EEIG1: variants seen among roughly 807,000 people sequenced by gnomAD.
EEIG1 encodes estrogen-induced osteoclastogenesis regulator 1.
At chr9:127,979,305 G>A in the EEIG1 span, among the ~76,000 whole-genome samples, 3 of 152,216 alleles carry the variant, frequency 2.0e-5, no homozygotes, top group Non-Finnish European at 2.9e-5. Context: ...ACCCCAGCTG[G>A]GCCCAATTGG....
chr9:127,967,791 TGCTACAGGACCTG>T, the EEIG1 span, among the ~76,000 whole-genome samples: 1,259 of 152,148 alleles, frequency 8.3e-3, 15 homozygotes, highest in African/African-American at 0.029. Context: ...CTCACAGAGT[TGCTACAGGACCTG>T]GCACAGTGGA....
the EEIG1 span, among the ~76,000 whole-genome samples, chr9:127,975,400 C>T: frequency 6.6e-6 from 1 of 152,212 alleles, no homozygotes; most frequent in Non-Finnish European, 1.5e-5. Context: ...GAAGAGGGGC[C>T]TCCAAGTCAC....
At chr9:127,979,488 A>C in the EEIG1 span, among the ~76,000 whole-genome samples, 55 of 152,316 alleles carry the variant, frequency 3.6e-4, no homozygotes, top group Middle Eastern at 6.8e-3. Flanking sequence ...CAGCCAGAGG[A>C]GGATAGTCAC....
At chr9:127,946,972 G>A in the EEIG1 span, among the ~76,000 whole-genome samples, 1 of 152,014 alleles carries the variant, frequency 6.6e-6, no homozygotes, top group African/African-American at 2.4e-5. Flanking sequence ...TAGGGTTGAG[G>A]GGGCCCAGCA....
the EEIG1 span, chr9:127,944,762 C>G: frequency 6.2e-7 from 1 of 1,611,762 alleles, no homozygotes; most frequent in Admixed American, 1.7e-5. Context: ...CCCCCACCAG[C>G]CCAGCACGGC....
At chr9:127,971,551 G>C in the EEIG1 span, among the ~76,000 whole-genome samples, 26 of 147,888 alleles carry the variant, frequency 1.8e-4, no homozygotes, top group Non-Finnish European at 3.7e-4. Context: ...GCGGGGCGGG[G>C]GGGCGGGTCC....
chr9:127,945,478 C>G, the EEIG1 span: 3 of 1,566,406 alleles, frequency 1.9e-6, no homozygotes, highest in Non-Finnish European at 2.6e-6. This position sits in a 1 kb window ranked among gnomAD's most constrained non-coding sequence, Gnocchi z 6.5. Context: ...GCCAAGGCCC[C>G]CAGAGGCGCT....
the EEIG1 span, among the ~76,000 whole-genome samples, chr9:127,963,900 G>C: frequency 3.5e-3 from 531 of 152,322 alleles, 4 homozygotes; most frequent in Middle Eastern, 0.017. Flanking sequence ...GAAGGAGAAG[G>C]AGCTACAAGG....
At chr9:127,972,079 T>G in the EEIG1 span, among the ~76,000 whole-genome samples, 1 of 152,134 alleles carries the variant, frequency 6.6e-6, no homozygotes, top group Non-Finnish European at 1.5e-5. This position sits in a 1 kb window ranked among gnomAD's most constrained non-coding sequence, Gnocchi z 4.3. Flanking sequence ...GAGGCTGTCT[T>G]CTGCCTGCCA....
the EEIG1 span, among the ~76,000 whole-genome samples, chr9:127,958,759 A>C: frequency 6.6e-6 from 1 of 152,188 alleles, no homozygotes; most frequent in Admixed American, 6.6e-5. Flanking sequence ...ACAAAATAAG[A>C]AAAAATACTT....
chr9:127,974,020 A>G, the EEIG1 span, among the ~76,000 whole-genome samples: 3 of 152,260 alleles, frequency 2.0e-5, no homozygotes, highest in African/African-American at 7.2e-5. Context: ...GCAATCACAA[A>G]TGACTGGCGC....
chr9:127,944,329 C>T, the EEIG1 span: 3 of 548,418 alleles, frequency 5.5e-6, no homozygotes, highest in Admixed American at 1.0e-4. Context: ...TGTGAGGCCC[C>T]TGCCATGTGC....
At chr9:127,959,842 AACAGACTAAT>A in the EEIG1 span, among the ~76,000 whole-genome samples, 1 of 152,206 alleles carries the variant, frequency 6.6e-6, no homozygotes, top group Non-Finnish European at 1.5e-5. Context: ...GCAGTGTGAG[AACAGACTAAT>A]ACAGGGGACT....
chr9:127,971,647 A>T, the EEIG1 span, among the ~76,000 whole-genome samples: 38 of 152,286 alleles, frequency 2.5e-4, no homozygotes, highest in African/African-American at 8.9e-4. Flanking sequence ...GCACCAGGAC[A>T]GTGCCAACCC....
the EEIG1 span, among the ~76,000 whole-genome samples, chr9:127,977,525 G>T: frequency 6.6e-6 from 1 of 152,114 alleles, no homozygotes; most frequent in Non-Finnish European, 1.5e-5. Context: ...TCACACACAG[G>T]CCCCCTGCTG....
At chr9:127,946,207 C>T in the EEIG1 span, among the ~76,000 whole-genome samples, 2 of 152,214 alleles carry the variant, frequency 1.3e-5, no homozygotes, top group Admixed American at 6.5e-5. Context: ...AGAACAGCAT[C>T]GGCAGAGGCC....
chr9:127,952,839 G>A, the EEIG1 span, among the ~76,000 whole-genome samples: 13 of 151,992 alleles, frequency 8.6e-5, no homozygotes, highest in South Asian at 1.5e-3. Context: ...CCAGCCTCCC[G>A]AGTAGCTGGG....
the EEIG1 span, among the ~76,000 whole-genome samples, chr9:127,958,092 T>C: frequency 2.0e-5 from 3 of 150,444 alleles, no homozygotes; most frequent in African/African-American, 7.5e-5. Flanking sequence ...GGAAAAAGAA[T>C]AGTCTTTTCA....
chr9:127,969,009 G>A, the EEIG1 span, among the ~76,000 whole-genome samples: 13 of 152,198 alleles, frequency 8.5e-5, no homozygotes, highest in Non-Finnish European at 1.6e-4. Context: ...TGCTAGACAC[G>A]GGGGACACAT....
Sources: allele counts gnomAD v4.1 joint callset (sites outside exome capture counted in the v4.1 genomes callset), GRCh38; gene constraint gnomAD v4.1.1; non-coding constraint Gnocchi (gnomAD v3.1); transcripts MANE v1.5; gene names NCBI Gene and HGNC (gene_info 2026-07-23, HGNC 2026-07-21).